Variants in CCDC125 observed in about 807,000 individuals in gnomAD.
CCDC125 encodes the protein coiled-coil domain-containing protein 125.
Under a neutral mutation model 57.4 loss-of-function variants are expected in CCDC125, and 43 were observed. The observed-to-expected ratio is 0.75, with a 90% CI of 0.59 to 0.97. The LOEUF (loss-of-function observed/expected upper bound fraction) is 0.97, where lower values mean the gene tolerates loss of function less well. CCDC125 is among the 50% of genes least tolerant of loss of function. CCDC125 has a pLI of 0.00. For missense variants in CCDC125, 563 were observed against 595.7 expected (o/e 0.95, Z 0.57); for synonymous variants, 187 against 195.2 (o/e 0.96, Z 0.35).
In CCDC125 at chr5:69,320,336, T is replaced by C. The variant is rs1447192811; in HGVS notation, c.205A>G (p.Arg69Gly). 6.2e-7 allele frequency: 1 copy of C among 1,614,000 alleles called. No individual in the cohort carries two copies. Among genetic ancestry groups the C allele is most frequent in the African/African-American group, 1.3e-5 (1 of 74,914 alleles). ...PPPFPRKGEERNEASFQYSKH... is the reference protein window; with the variant it reads ...PPPFPRKGEEGNEASFQYSKH... Reference sequence around the variant, plus strand: ...GAATACTGAAAACTCGCTTCATTTCTTTCTTCTCCCTTTCTCGGAAATGGA... The same window carrying C: ...GAATACTGAAAACTCGCTTCATTTCCTTCTTCTCCCTTTCTCGGAAATGGA... Residue 69 changes from arginine (R) to glycine (G), a missense_variant, in exon 2 of 12, where the codon AGA becomes GGA. Coordinates refer to ENST00000396496, the MANE Select transcript of CCDC125 (RefSeq NM_176816.5).
At position 69,293,647 on chromosome 5, in the gene CCDC125, CA is replaced by C. The variant is rs10548889; in HGVS notation, c.924+1145del. 2.6e-3 allele frequency among the ~76,000 whole-genome samples: 347 copies of C among 131,558 alleles called. 4 individuals are homozygous for C. The highest frequency in any genetic ancestry group is 0.01 in the South Asian group (40 of 3,918). 86.3% of individuals were successfully genotyped at this position (131,558 alleles called of 152,430 possible). ...TGGGCGACAGAGCAAGAATCCGTCTCAAAAAAAAAAAAAAACCCAAACACTT... is the reference window on the plus strand; with the variant it reads ...TGGGCGACAGAGCAAGAATCCGTCTCAAAAAAAAAAAAAACCCAAACACTT... On this transcript the variant is annotated intron_variant, in intron 9 of 11. Coordinates refer to ENST00000396496, the MANE Select transcript of CCDC125 (RefSeq NM_176816.5).
At chr5:69,284,113 T>A (rs537040211) in intron 11 of CCDC125, among the ~76,000 whole-genome samples, 6 of 150,518 alleles carry the variant, frequency 4.0e-5, no homozygotes, top group Admixed American at 4.0e-4. Context: ...TTAAAAATAA[T>A]TTTTTAAAAA....
At chr5:69,324,762 C>G (rs1304155742) in intron 1 of CCDC125, among the ~76,000 whole-genome samples, 1 of 152,160 alleles carries the variant, frequency 6.6e-6, no homozygotes, top group African/African-American at 2.4e-5. Flanking sequence ...CCTGTAATCC[C>G]AGCATTTTGG....
At chr5:69,286,376 C>T (rs1015127295) in intron 10 of CCDC125, among the ~76,000 whole-genome samples, 10 of 150,718 alleles carry the variant, frequency 6.6e-5, no homozygotes, top group African/African-American at 9.7e-5. Flanking sequence ...GGACTACAGG[C>T]GCCCGCCACC....
At chr5:69,292,058 G>A (rs1167561019) in intron 10 of CCDC125, 130 bp downstream of exon 10, 2 of 836,074 alleles carry the variant, frequency 2.4e-6, no homozygotes, top group Non-Finnish European at 1.8e-6. Flanking sequence ...AAGTTTTTAA[G>A]TAAACCACAA....
chr5:69,275,302 C>A (rs1752004294), downstream of CCDC125, among the ~76,000 whole-genome samples: 2 of 152,114 alleles, frequency 1.3e-5, 1 homozygote, highest in East Asian at 3.9e-4. Flanking sequence ...GAATTAGAAT[C>A]CATTGGTTCC....
At chr5:69,279,385 A>AC (rs985837778), downstream of CCDC125, among the ~76,000 whole-genome samples, 5 of 151,926 alleles carry the variant, frequency 3.3e-5, no homozygotes, top group African/African-American at 1.2e-4. Context: ...TTTAGTAGAG[A>AC]CGGGGTTTCA....
At chr5:69,326,729 G>A (rs1043146132) in intron 1 of CCDC125, among the ~76,000 whole-genome samples, 11 of 152,090 alleles carry the variant, frequency 7.2e-5, no homozygotes, top group African/African-American at 2.7e-4. Context: ...TGTTTTGTTT[G>A]TTTTTTATCC....
rs1756917772 is a variant in CCDC125, at chr5:69,303,933, G to GA, written c.618-5dup. ...GACTGCATTTTCACAGTTTAGCCTG[G>GA]AAAAAAGTGGCTTTCAAATAACTAA... On this transcript the variant is annotated splice_polypyrimidine_tract_variant and splice_region_variant and intron_variant, in intron 6 of 11. Transcript: ENST00000396496. The GA allele has an allele frequency of 2.6e-6, 4 of 1,554,840 alleles. No individual in the cohort carries two copies. In the South Asian group the frequency reaches 3.6e-5, roughly 14 times the overall value.
chr5:69,296,009 G>A (rs778017758), intron 8 of CCDC125, among the ~76,000 whole-genome samples: 8 of 150,876 alleles, frequency 5.3e-5, no homozygotes, highest in Middle Eastern at 3.4e-3. Flanking sequence ...TCAGCCTCCC[G>A]AGTAGCTGGG....
downstream of CCDC125, among the ~76,000 whole-genome samples, chr5:69,278,054 A>G (rs1262171462): frequency 6.6e-6 from 1 of 151,864 alleles, no homozygotes; most frequent in Middle Eastern, 3.2e-3. Context: ...AATTTTTTTT[A>G]TATTTTTAGT....
chr5:69,305,253 A>C (rs1490184626), intron 6 of CCDC125, among the ~76,000 whole-genome samples: 1 of 152,078 alleles, frequency 6.6e-6, no homozygotes. Context: ...TCGCTCTGTC[A>C]TCAAAGCTAG....
intron 1 of CCDC125, among the ~76,000 whole-genome samples, chr5:69,324,531 A>G (rs920673914): frequency 4.6e-5 from 7 of 152,248 alleles, no homozygotes; most frequent in Non-Finnish European, 1.0e-4. Context: ...ATATTCATAC[A>G]TCACTCAATT....
chr5:69,319,174 C>T (rs139950407), intron 2 of CCDC125, among the ~76,000 whole-genome samples: 40 of 152,044 alleles, frequency 2.6e-4, no homozygotes, highest in African/African-American at 8.2e-4. Context: ...GTGATCCATC[C>T]GCCTCAGCCT....
intron 1 of CCDC125, among the ~76,000 whole-genome samples, chr5:69,329,886 A>T (rs1344623710): frequency 6.6e-6 from 1 of 152,190 alleles, no homozygotes; most frequent in Non-Finnish European, 1.5e-5. Flanking sequence ...CCAGGACTAG[A>T]AACAATATTT....
intron 8 of CCDC125, among the ~76,000 whole-genome samples, chr5:69,296,150 G>A (rs937578662): frequency 1.3e-5 from 2 of 151,978 alleles, no homozygotes; most frequent in Non-Finnish European, 1.5e-5. Context: ...CCAAAGTGCT[G>A]GGATTACAGG....
chr5:69,314,919 T>C (rs1384797427), intron 2 of CCDC125, among the ~76,000 whole-genome samples: 1 of 152,150 alleles, frequency 6.6e-6, no homozygotes, highest in Non-Finnish European at 1.5e-5. Flanking sequence ...TAGATTTTGG[T>C]GTTTTGGCTT....
chr5:69,312,953 G>T (rs1477908991), intron 3 of CCDC125, among the ~76,000 whole-genome samples: 1 of 152,094 alleles, frequency 6.6e-6, no homozygotes, highest in Non-Finnish European at 1.5e-5. Context: ...GCACAGGGAG[G>T]GGTCATCTCC....
chr5:69,313,433 A>C, intron 3 of CCDC125: 1 of 1,507,776 alleles, frequency 6.6e-7, no homozygotes, highest in Non-Finnish European at 9.2e-7. Flanking sequence ...GCCAGGGTGC[A>C]GTGGTCCTTG....
Sources: gnomAD v4.1 joint callset for allele counts (sites outside exome capture counted in the v4.1 genomes callset) on GRCh38, gnomAD v4.1.1 for gene constraint, MANE v1.5 for transcripts, NCBI Gene and HGNC (gene_info 2026-07-23, HGNC 2026-07-21) for gene names.